UGP2: variants seen among roughly 807,000 people sequenced by gnomAD.
The protein encoded by UGP2 is UDP-glucose pyrophosphorylase 2.
A neutral mutation model predicts 49.0 loss-of-function variants in UGP2; 40 were observed. The observed-to-expected ratio is 0.82, with a 90% CI of 0.63 to 1.06. The LOEUF is 1.06. Among genes scored for constraint, UGP2 ranks in the 50% least tolerant of loss-of-function variants. The pLI, the probability that UGP2 is intolerant of heterozygous loss-of-function variation, is 0.00. For missense variants in UGP2, 460 were observed against 603.5 expected, an observed-to-expected ratio of 0.76 and a Z score of 2.49; for synonymous variants, 225 against 213.0, an observed-to-expected ratio of 1.06 and a Z score of -0.49.
chr2:63,883,557 T>G (rs114723116), intron 4 of UGP2, among the ~76,000 whole-genome samples: 3,258 of 152,236 alleles, frequency 0.021, 105 homozygotes, highest in African/African-American at 0.073. Context: ...ACAGAGATGT[T>G]AACATAGAGT....
At chr2:63,857,019 G>T in intron 2 of UGP2, 1 of 359,596 alleles carries the variant, frequency 2.8e-6, no homozygotes, top group Non-Finnish European at 5.4e-6. Flanking sequence ...AAGTGTAGCG[G>T]CCAGGCGCAG....
intron 3 of UGP2, among the ~76,000 whole-genome samples, chr2:63,876,444 C>T (rs915693862): frequency 1.3e-5 from 2 of 152,166 alleles, no homozygotes; most frequent in Non-Finnish European, 2.9e-5. Flanking sequence ...CCAACAGTAA[C>T]GTTATCTTGA....
chr2:63,861,390 C>T (rs1256762388), intron 3 of UGP2, among the ~76,000 whole-genome samples: 1 of 151,900 alleles, frequency 6.6e-6, no homozygotes, highest in African/African-American at 2.4e-5. Flanking sequence ...TTCTCTTGAG[C>T]GCTAATTTAA....
At chr2:63,875,946 A>G (rs191624868) in intron 3 of UGP2, among the ~76,000 whole-genome samples, 9 of 152,250 alleles carry the variant, frequency 5.9e-5, no homozygotes, top group Admixed American at 5.9e-4. Context: ...TTGAGGCTGT[A>G]TCCAGTAGTA....
At chr2:63,859,522 TGGAGAAGGAA>T (rs1218847783) in intron 3 of UGP2, among the ~76,000 whole-genome samples, 1 of 151,926 alleles carries the variant, frequency 6.6e-6, no homozygotes, top group Non-Finnish European at 1.5e-5. Flanking sequence ...GGTCAGAGGG[TGGAGAAGGAA>T]GGAGAAGAGG....
chr2:63,850,344 G>A (rs749589796), intron 1 of UGP2, among the ~76,000 whole-genome samples: 4 of 152,144 alleles, frequency 2.6e-5, no homozygotes, highest in Non-Finnish European at 4.4e-5. Flanking sequence ...CCATTCATAT[G>A]AATGTAAAGC....
At chr2:63,885,503 T>C (rs1385753051) in intron 5 of UGP2, 86 bp from the exon 6 acceptor site, 1 of 1,074,030 alleles carries the variant, frequency 9.3e-7, no homozygotes, top group African/African-American at 1.7e-5. Context: ...AGTGAAATTT[T>C]ATTTAACTTT....
At chr2:63,856,668 T>G in intron 2 of UGP2, 1 of 534,336 alleles carries the variant, frequency 1.9e-6, no homozygotes, top group Non-Finnish European at 3.4e-6. Flanking sequence ...GTCATTAAAA[T>G]AATCAGAACC....
intron 2 of UGP2, chr2:63,857,014 T>C (rs1187029375): frequency 1.1e-5 from 4 of 361,512 alleles, no homozygotes; most frequent in Non-Finnish European, 1.6e-5. Context: ...TAAGTAAGTG[T>C]AGCGGCCAGG....
intron 3 of UGP2, among the ~76,000 whole-genome samples, chr2:63,859,383 T>C (rs1669677909): frequency 6.6e-6 from 1 of 152,126 alleles, no homozygotes; most frequent in Middle Eastern, 3.2e-3. Context: ...AGAGCCTACT[T>C]GAAGGAAGGT....
intron 3 of UGP2, among the ~76,000 whole-genome samples, chr2:63,865,685 C>T (rs140144265): frequency 8.0e-4 from 121 of 151,966 alleles, no homozygotes; most frequent in Non-Finnish European, 1.5e-3. Context: ...ACTACAGGCA[C>T]GTGTCAGCAT....
chr2:63,873,307 C>G (rs766308845), intron 3 of UGP2, among the ~76,000 whole-genome samples: 13 of 152,142 alleles, frequency 8.5e-5, no homozygotes, highest in Non-Finnish European at 1.9e-4. Context: ...CTTATTCAAG[C>G]CAAACAGAAG....
At chr2:63,864,677 C>T (rs1402805745) in intron 3 of UGP2, among the ~76,000 whole-genome samples, 1 of 152,110 alleles carries the variant, frequency 6.6e-6, no homozygotes, top group African/African-American at 2.4e-5. Flanking sequence ...TGTAGAACAC[C>T]CACCAGTTAC....
chr2:63,870,980 T>TG (rs1302704930), intron 3 of UGP2, among the ~76,000 whole-genome samples: 1 of 152,252 alleles, frequency 6.6e-6, no homozygotes, highest in African/African-American at 2.4e-5. Flanking sequence ...AACTCCTTGA[T>TG]GGGGCATACA....
At position 63,856,764 on chromosome 2, in the gene UGP2, A is replaced by G. The variant is rs1336061945; in HGVS notation, c.147+331A>G. On this transcript the variant is annotated intron_variant, in intron 2 of 9. Transcript: ENST00000337130. ...GTTGTAATTGAGAGAAGTTAGCTTC[A>G]TATGTCCTGCATGCCTTTTCCAGAG... The G allele has an allele frequency of 2.3e-5, 11 of 469,494 alleles. No homozygotes were observed. In the Admixed American group the frequency reaches 2.6e-4, roughly 11 times the overall value. 29.1% of individuals were successfully genotyped at this position (469,494 alleles called of 1,614,324 possible). A position where few individuals can be genotyped will look rare whatever the true frequency, so the allele number is the denominator to read the frequency against.
In UGP2 at chr2:63,856,417, C is replaced by A; in HGVS notation, c.131C>A (p.Ser44Ter). Residue 44 changes from serine (S) to a stop codon, truncating the protein, a stop_gained, in exon 2 of 10, where the codon TCA (serine) becomes TAA (stop). Coordinates refer to ENST00000337130, the MANE Select transcript of UGP2 (RefSeq NM_006759.4). LOFTEE classifies it high-confidence loss of function. ...CTAGAAAAAATACTCACCACAGCAT[C>A]ATCACATGAATTTGAGGTAAGGAGG... ...KELEKILTTA[S>*]SHEFEHTKKD... 6.2e-7 allele frequency: 1 copy of A among 1,612,408 alleles called. No individual in the cohort carries two copies. The highest frequency in any genetic ancestry group is 8.5e-7 in the Non-Finnish European group (1 of 1,179,916).
chr2:63,888,321 A>G (rs990955338), intron 8 of UGP2: 5 of 152,292 alleles, frequency 3.3e-5, no homozygotes, highest in Middle Eastern at 3.2e-3. Flanking sequence ...GGAAACTGCC[A>G]CAGTAAGCAG....
chr2:63,847,764 C>G (rs1357224810), intron 1 of UGP2, among the ~76,000 whole-genome samples: 1 of 152,184 alleles, frequency 6.6e-6, no homozygotes, highest in Non-Finnish European at 1.5e-5. Context: ...CGGCCATTTA[C>G]ACTTCTTTTG....
chr2:63,841,439 C>T (rs967169194), upstream of UGP2, among the ~76,000 whole-genome samples: 8 of 152,118 alleles, frequency 5.3e-5, no homozygotes, highest in Non-Finnish European at 1.0e-4. Context: ...CACGGGTCTG[C>T]CTCTAGCCGG....
Sources: gnomAD v4.1 joint callset for allele counts (sites outside exome capture counted in the v4.1 genomes callset) on GRCh38, gnomAD v4.1.1 for gene constraint, MANE v1.5 for transcripts, NCBI Gene and HGNC (gene_info 2026-07-23, HGNC 2026-07-21) for gene names.